Variants in TBC1D22A observed in about 807,000 individuals in gnomAD.
TBC1D22A encodes putative GTPase activator.
A neutral mutation model predicts 60.2 loss-of-function variants in TBC1D22A; 38 were observed. The observed-to-expected ratio is 0.63, with a 90% CI of 0.49 to 0.83. The LOEUF (loss-of-function observed/expected upper bound fraction) is 0.83. Among genes scored for constraint, TBC1D22A ranks in the 40% least tolerant of loss-of-function variants. The pLI, the probability that TBC1D22A is intolerant of heterozygous loss-of-function variation, is 0.00. For missense variants in TBC1D22A, 628 were observed against 701.0 expected (o/e 0.90, Z 1.18); for synonymous variants, 302 against 281.7 (o/e 1.07, Z -0.72).
intron 4 of TBC1D22A, among the ~76,000 whole-genome samples, chr22:46,835,609 G>A (rs185556962): frequency 6.6e-6 from 1 of 152,254 alleles, no homozygotes; most frequent in African/African-American, 2.4e-5. Context: ...ATTAAGCAAA[G>A]CCATATACGC....
chr22:46,891,459 G>A, intron 6 of TBC1D22A, 65 bp downstream of exon 6: 2 of 1,494,020 alleles, frequency 1.3e-6, no homozygotes, highest in South Asian at 1.4e-5. Context: ...ATTTATAGGA[G>A]GAAATGTTTT....
intron 11 of TBC1D22A, among the ~76,000 whole-genome samples, chr22:47,074,304 C>T (rs1482502294): frequency 6.6e-6 from 1 of 152,196 alleles, no homozygotes; most frequent in Non-Finnish European, 1.5e-5. Context: ...CCACATTGGC[C>T]TCTGCAGACT....
At chr22:46,885,931 G>T (rs1274997845) in intron 5 of TBC1D22A, among the ~76,000 whole-genome samples, 1 of 148,102 alleles carries the variant, frequency 6.8e-6, no homozygotes, top group Non-Finnish European at 1.5e-5. Context: ...TTTTTGAGGC[G>T]GAGTCTCACT....
At chr22:46,856,712 G>A (rs138736251) in intron 4 of TBC1D22A, among the ~76,000 whole-genome samples, 170 of 152,282 alleles carry the variant, frequency 1.1e-3, no homozygotes, top group African/African-American at 3.9e-3. Context: ...AAAGGCCAAA[G>A]TTTTCCCTTA....
chr22:47,046,630 C>T (rs1344306409), intron 11 of TBC1D22A, among the ~76,000 whole-genome samples: 2 of 152,228 alleles, frequency 1.3e-5, no homozygotes, highest in Middle Eastern at 3.2e-3. Flanking sequence ...GGACTGGGAT[C>T]TGTGGGTAGA....
At chr22:46,957,568 G>T (rs780516590) in intron 8 of TBC1D22A, among the ~76,000 whole-genome samples, 1 of 152,226 alleles carries the variant, frequency 6.6e-6, no homozygotes, top group African/African-American at 2.4e-5. Flanking sequence ...CCCTGAACAC[G>T]TGGGGATTAC....
At chr22:46,773,496 G>A (rs774641543) in intron 1 of TBC1D22A, among the ~76,000 whole-genome samples, 1 of 152,046 alleles carries the variant, frequency 6.6e-6, no homozygotes, top group Non-Finnish European at 1.5e-5. Flanking sequence ...ATGGAGTCTT[G>A]CCCTGTTACC....
At chr22:47,050,167 C>A (rs945338280) in intron 11 of TBC1D22A, among the ~76,000 whole-genome samples, 3 of 152,180 alleles carry the variant, frequency 2.0e-5, no homozygotes, top group African/African-American at 7.2e-5. Flanking sequence ...CCACGCCTGG[C>A]TAATTTTTGT....
intron 4 of TBC1D22A, among the ~76,000 whole-genome samples, chr22:46,875,069 A>C (rs1441817929): frequency 6.6e-6 from 1 of 152,226 alleles, no homozygotes; most frequent in East Asian, 1.9e-4. Context: ...CCTGCCTAGG[A>C]GAAATGGAGA....
chr22:47,144,727 G>T (rs987756345), intron 12 of TBC1D22A, among the ~76,000 whole-genome samples: 13 of 147,414 alleles, frequency 8.8e-5, no homozygotes, highest in African/African-American at 2.5e-4. Context: ...GGTGCAGCCC[G>T]TGAAGGTGCC....
At chr22:46,995,236 A>G (rs996922176) in intron 9 of TBC1D22A, among the ~76,000 whole-genome samples, 28 of 152,158 alleles carry the variant, frequency 1.8e-4, no homozygotes, top group African/African-American at 6.0e-4. Context: ...AGGTCACCGG[A>G]GGGCCTTGGC....
chr22:47,142,535 T>C (rs1220917165), intron 12 of TBC1D22A, among the ~76,000 whole-genome samples: 71 of 65,638 alleles, frequency 1.1e-3, no homozygotes, highest in Non-Finnish European at 1.4e-3. Context: ...TCCATCCACC[T>C]ACCCATCCAT....
intron 8 of TBC1D22A, among the ~76,000 whole-genome samples, chr22:46,922,966 A>G (rs1246435362): frequency 6.6e-6 from 1 of 152,154 alleles, no homozygotes; most frequent in Non-Finnish European, 1.5e-5. Flanking sequence ...TCTATTGAAT[A>G]GGAGTTTTGA....
intron 8 of TBC1D22A, among the ~76,000 whole-genome samples, chr22:46,959,091 C>T (rs2073359811): frequency 6.6e-6 from 1 of 152,220 alleles, no homozygotes; most frequent in South Asian, 2.1e-4. Flanking sequence ...ACAGCTCAGC[C>T]AGACAGAGCG....
intron 4 of TBC1D22A, among the ~76,000 whole-genome samples, chr22:46,836,651 A>C (rs2086535646): frequency 6.6e-6 from 1 of 152,098 alleles, no homozygotes; most frequent in Admixed American, 6.5e-5. Flanking sequence ...TTTAAGTGTA[A>C]ATGGATTAAA....
At chr22:47,023,945 C>T (rs539100273) in intron 10 of TBC1D22A, among the ~76,000 whole-genome samples, 17 of 152,336 alleles carry the variant, frequency 1.1e-4, no homozygotes, top group South Asian at 4.1e-4. Context: ...CATTGAAACA[C>T]GTTTTCTTGT....
chr22:46,951,788 G>A (rs896599306), intron 8 of TBC1D22A, among the ~76,000 whole-genome samples: 2 of 152,202 alleles, frequency 1.3e-5, no homozygotes, highest in South Asian at 2.1e-4. Flanking sequence ...GCTCAAATGC[G>A]GAGCTTTGTT....
chr22:46,793,967 G>T (rs879647427), intron 3 of TBC1D22A, 126 bp downstream of exon 3: 1 of 920,528 alleles, frequency 1.1e-6, no homozygotes, highest in East Asian at 2.7e-5. Flanking sequence ...CCTGGCCCAC[G>T]AGAGCCCTTA....
intron 4 of TBC1D22A, among the ~76,000 whole-genome samples, chr22:46,847,663 G>A (rs1160535861): frequency 6.6e-6 from 1 of 152,180 alleles, no homozygotes; most frequent in Non-Finnish European, 1.5e-5. Flanking sequence ...TGAGGTCTGT[G>A]TTTTTCTCAG....
Sources: gnomAD v4.1 joint callset for allele counts (sites outside exome capture counted in the v4.1 genomes callset) on GRCh38, gnomAD v4.1.1 for gene constraint, MANE v1.5 for transcripts, NCBI Gene and HGNC (gene_info 2026-07-23, HGNC 2026-07-21) for gene names.